CPNE7: variants seen among roughly 807,000 people sequenced by gnomAD.
The protein encoded by CPNE7 is copine-7.
In CPNE7, 78 loss-of-function variants were observed where a neutral mutation model predicts 66.5. The ratio of observed to expected loss-of-function variants is 1.17; its 90% CI spans 0.98 to 1.42. The LOEUF (loss-of-function observed/expected upper bound fraction) is 1.42, where lower values mean the gene tolerates loss of function less well. Among genes scored for constraint, CPNE7 ranks in the 40% most tolerant of loss-of-function variants. The pLI is 0.00. For missense variants in CPNE7, 1,012 were observed against 776.6 expected (o/e 1.30, Z -3.60); for synonymous variants, 468 against 336.7 (o/e 1.39, Z -4.27).
rs453982 is a variant in CPNE7, at chr16:89,584,144, C to T, written c.507+42C>T. 3.7e-5 allele frequency: 58 copies of T among 1,582,904 alleles called. No individual in the cohort carries two copies. The highest frequency in any genetic ancestry group is 7.9e-5 in the South Asian group (7 of 88,684). ...GGCACGCCTGGCTCAGGCTGAGGTCCGGGAACCGGTTCGAAAACCCGGTCC... is the reference window on the plus strand; with the variant it reads ...GGCACGCCTGGCTCAGGCTGAGGTCTGGGAACCGGTTCGAAAACCCGGTCC... On this transcript the variant is annotated intron_variant, in intron 4 of 14. Transcript: ENST00000319518. This position sits in a 1 kb window ranked among gnomAD's most constrained non-coding sequence, Gnocchi z 6.0.
chr16:89,594,856 T>A (rs2151462873), intron 13 of CPNE7, among the ~76,000 whole-genome samples: 1 of 152,034 alleles, frequency 6.6e-6, no homozygotes, highest in African/African-American at 2.4e-5. Flanking sequence ...TTCACCATTT[T>A]GGCCAGGCTG....
chr16:89,590,909 T>A lies in CPNE7; in HGVS notation c.1117-98T>A, dbSNP rs2059157108. 21 of 1,037,594 alleles carry A rather than the reference T, an allele frequency of 2.0e-5. 1 individual carries two copies. The South Asian group carries it at 3.3e-4, about 16-fold the overall frequency. 64.3% of individuals were successfully genotyped at this position (1,037,594 alleles called of 1,614,324 possible). ...GGGGGGAGCAGCTGACTGGGGGACA[T>A]GGGGGCTGGGGACGGGGGGAGCAGC... On this transcript the variant is annotated intron_variant, in intron 11 of 14. Coordinates refer to ENST00000319518, the MANE Select transcript of CPNE7 (RefSeq NM_153636.3).
intron 11 of CPNE7, 22 bp from the exon 12 acceptor site, chr16:89,590,985 G>C (rs2059158322): frequency 6.2e-7 from 1 of 1,613,478 alleles, no homozygotes; most frequent in South Asian, 1.1e-5. Flanking sequence ...GCAGCTGACT[G>C]AGCCCTCTTG....
In CPNE7 at chr16:89,595,381, G is replaced by C. The variant is rs75460669; in HGVS notation, c.1317G>C (p.Leu439=). The C allele has an allele frequency of 4.4e-3, 6,959 of 1,579,244 alleles. 280 individuals carry two copies. The African/African-American group carries it at 0.084, about 19-fold the overall frequency. Residue 439 remains leucine (L), a synonymous_variant, in exon 14 of 15, where the codon CTG becomes CTC. Transcript: ENST00000319518. ...STGKASQYYI[L]LILTDGVVTD... ...TGTGCCCCCAGCAATACTACATCCT[G>C]CTGATCCTGACGGACGGCGTGGTGA...
intron 10 of CPNE7, among the ~76,000 whole-genome samples, chr16:89,589,207 A>T (rs7199850): frequency 6.6e-6 from 1 of 151,906 alleles, no homozygotes; most frequent in Non-Finnish European, 1.5e-5. Flanking sequence ...CAGGAGAATC[A>T]CTGGAACCCG....
chr16:89,587,440 G>T, intron 9 of CPNE7: 1 of 400,280 alleles, frequency 2.5e-6, no homozygotes, highest in Non-Finnish European at 5.0e-6. Context: ...GGCTCCTGGG[G>T]GTCCTCCCTT....
intron 13 of CPNE7, among the ~76,000 whole-genome samples, chr16:89,593,643 C>T (rs972839072): frequency 6.6e-6 from 1 of 152,212 alleles, no homozygotes; most frequent in Non-Finnish European, 1.5e-5. Context: ...TGAGCCACCG[C>T]GCCCGGCCTA....
rs1304618450 is a variant in CPNE7, at chr16:89,583,863, C to A, written c.432+92C>A. ...CGGAAGATGGGCAGCAGCGTGCCGT[C>A]CAGGGAGGGTCTGCAGGAGCCGGCA... is the stretch of plus-strand genomic sequence containing the variant. On this transcript the variant is annotated intron_variant, in intron 3 of 14. Transcript: ENST00000319518. The A allele has an allele frequency of 4.7e-6, 7 of 1,497,510 alleles. No homozygotes were observed. The East Asian group carries it at 1.4e-4, about 30-fold the overall frequency. 92.8% of individuals were successfully genotyped at this position (1,497,510 alleles called of 1,614,324 possible).
At position 89,595,519 on chromosome 16, in the gene CPNE7, C is replaced by G. The variant is rs149497882; in HGVS notation, c.1455C>G (p.Gly485=). ...TCACCGACATGCAGGTCCTGGACGG[C>G]GACGACGGCGTCCTGCGCTCCCCAC... ...ADFTDMQVLD[G]DDGVLRSPRG... is the part of the protein sequence containing the mutation. Residue 485 remains glycine (G), a synonymous_variant, in exon 14 of 15, where the codon GGC becomes GGG. Coordinates refer to ENST00000319518, the MANE Select transcript of CPNE7 (RefSeq NM_153636.3). 1 of 1,612,602 alleles carries G rather than the reference C, an allele frequency of 6.2e-7. No homozygotes were observed. Among genetic ancestry groups the G allele is most frequent in the Admixed American group, 1.7e-5 (1 of 60,000 alleles).
chr16:89,595,457 A>G lies in CPNE7; in HGVS notation c.1393A>G (p.Met465Val). The G allele has an allele frequency of 1.2e-6, 2 of 1,612,402 alleles. No individual in the cohort carries two copies. The highest frequency in any genetic ancestry group is 1.7e-6 in the Non-Finnish European group (2 of 1,179,748). The change falls in exon 14 of 15, where the codon ATG becomes GTG. Residue 465 changes from methionine to valine, a missense_variant. Met to Val is a conservative substitution (Grantham distance 21). Transcript: ENST00000319518. ...CATTGTGCGTGCCTCACGCCTGCCC[A>G]TGTCCATCATCATCGTGGGCGTGGG... ...EAIVRASRLPMSIIIVGVGNA... is the reference protein window; with the variant it reads ...EAIVRASRLPVSIIIVGVGNA...
chr16:89,577,454 TG>T, intron 1 of CPNE7, 84 bp from the exon 2 acceptor site: 1 of 1,371,564 alleles, frequency 7.3e-7, no homozygotes, highest in Non-Finnish European at 1.0e-6. Flanking sequence ...TACCTGGGCG[TG>T]GGTGAGCGGC....
chr16:89,585,769 C>T lies in CPNE7; in HGVS notation c.764C>T (p.Ala255Val). 2 of 1,398,584 alleles carry T rather than the reference C, an allele frequency of 1.4e-6. No individual in the cohort carries two copies. The highest frequency in any genetic ancestry group is 1.6e-5 in the African/African-American group (1 of 63,760). 86.6% of individuals were successfully genotyped at this position (1,398,584 alleles called of 1,614,324 possible). A position where few individuals can be genotyped will look rare whatever the true frequency, so the allele number is the denominator to read the frequency against. Residue 255 changes from alanine to valine, a missense_variant, in exon 7 of 15, where the codon GCC (alanine) becomes GTC (valine). Transcript: ENST00000319518. ...FSTTFEEMQKAFEEGQAQWDC... is the reference protein window; with the variant it reads ...FSTTFEEMQKVFEEGQAQWDC... ...ACCACCTTCGAGGAGATGCAGAAGG[C>T]CTTTGAGGAGGGGCAGGTGAGCAGG...
intron 11 of CPNE7, among the ~76,000 whole-genome samples, chr16:89,590,608 G>A (rs892469157): frequency 3.3e-5 from 5 of 151,458 alleles, no homozygotes; most frequent in Admixed American, 1.3e-4. Context: ...GCTAATGTAA[G>A]CCTCAGGCAC....
intron 2 of CPNE7, among the ~76,000 whole-genome samples, chr16:89,583,274 G>C (rs968721903): frequency 6.6e-6 from 1 of 152,154 alleles, no homozygotes; most frequent in African/African-American, 2.4e-5. Context: ...GGGGCCGTTT[G>C]AGCTGCCTCG....
intron 1 of CPNE7, among the ~76,000 whole-genome samples, chr16:89,577,226 T>G (rs531154281): frequency 1.3e-5 from 2 of 152,224 alleles, no homozygotes; most frequent in South Asian, 2.1e-4. Context: ...GGGAGCGGCC[T>G]GCACTTTAGG....
At chr16:89,586,472 G>T (rs960109362) in intron 7 of CPNE7, among the ~76,000 whole-genome samples, 198 bp from the exon 8 acceptor site, 2 of 151,816 alleles carry the variant, frequency 1.3e-5, no homozygotes, top group Non-Finnish European at 2.9e-5. Context: ...CATGCCGGGT[G>T]GGGGATGCAA....
At chr16:89,589,993 C>T in intron 11 of CPNE7, 42 bp downstream of exon 11, 2 of 1,608,048 alleles carry the variant, frequency 1.2e-6, no homozygotes, top group Middle Eastern at 1.7e-4. Flanking sequence ...CTGTGCCCTT[C>T]TCGTGCCCTC....
intron 3 of CPNE7, 128 bp downstream of exon 3, chr16:89,583,899 C>T (rs925366874): frequency 2.1e-6 from 3 of 1,437,024 alleles, no homozygotes; most frequent in African/African-American, 1.4e-5. Flanking sequence ...GCTACACAGC[C>T]CCGGGGGTAC....
chr16:89,584,844 T>C lies in CPNE7; in HGVS notation c.578T>C (p.Val193Ala), dbSNP rs1173546439. 7.4e-6 allele frequency: 12 copies of C among 1,613,264 alleles called. No homozygotes were observed. Among genetic ancestry groups the C allele is most frequent in the African/African-American group, 1.3e-5 (1 of 74,904 alleles). The stretch of plus-strand genomic sequence containing the variant: ...AACGACGACCAGGGCTTGCAGCTGG[T>C]GTACAGGACGGAGGTGAGCGGCCGG... ...RVNDDQGLQL[V>A]YRTEVVKNNL... The change falls in exon 5 of 15, where the codon GTG becomes GCG. Residue 193 changes from valine to alanine, a missense_variant. By Grantham distance (64) the Val-to-Ala change is moderately conservative (BLOSUM62 0). Transcript: ENST00000319518. This position sits in a 1 kb window ranked among gnomAD's most constrained non-coding sequence, Gnocchi z 6.0.
Sources: gnomAD v4.1 joint callset for allele counts (sites outside exome capture counted in the v4.1 genomes callset) on GRCh38, gnomAD v4.1.1 for gene constraint, Gnocchi (gnomAD v3.1) non-coding constraint, MANE v1.5 for transcripts, NCBI Gene and HGNC (gene_info 2026-07-23, HGNC 2026-07-21) for gene names.